Variants in SPON1 observed in about 807,000 individuals in gnomAD.
SPON1 encodes spondin-1.
A neutral mutation model predicts 111.7 loss-of-function variants in SPON1; 52 were observed. The observed-to-expected ratio is 0.47, with a 90% CI of 0.37 to 0.59. The LOEUF is 0.59. Among genes scored for constraint, SPON1 ranks in the 20% least tolerant of loss-of-function variants. The pLI, the probability that SPON1 is intolerant of heterozygous loss-of-function variation, is 0.00. For missense variants in SPON1, 957 were observed against 1,068.5 expected, an observed-to-expected ratio of 0.90 and a Z score of 1.46; for synonymous variants, 410 against 395.8, an observed-to-expected ratio of 1.04 and a Z score of -0.43.
intron 2 of SPON1, among the ~76,000 whole-genome samples, chr11:14,005,442 A>T (rs1848351949): frequency 6.6e-6 from 1 of 152,168 alleles, no homozygotes; most frequent in African/African-American, 2.4e-5. Context: ...AATTAGACTC[A>T]TCCGTTCCAT....
In SPON1 at chr11:14,135,065, T is replaced by C. The variant is rs561036761; in HGVS notation, c.677-355T>C. ...AGCAGGGTCAAGCCTGGTTAGCACT[T>C]GGATGGGAGTCTGCCAGAACAGTCC... On this transcript the variant is annotated intron_variant, in intron 5 of 15. Coordinates refer to ENST00000576479, the MANE Select transcript of SPON1 (RefSeq NM_006108.4). The surrounding 1 kb of genome is among the most constrained non-coding windows in gnomAD (Gnocchi z 4.4). The C allele has an allele frequency of 1.1e-4, 19 of 169,622 alleles. No individual in the cohort carries two copies. The South Asian group carries it at 3.5e-3, about 31-fold the overall frequency. 10.5% of individuals were successfully genotyped at this position (169,622 alleles called of 1,614,324 possible). A position where few individuals can be genotyped will look rare whatever the true frequency, so the allele number is the denominator to read the frequency against.
At chr11:14,005,994 A>G (rs1554913071) in intron 2 of SPON1, among the ~76,000 whole-genome samples, 1 of 152,208 alleles carries the variant, frequency 6.6e-6, no homozygotes, top group Non-Finnish European at 1.5e-5. Flanking sequence ...ATCAATTAAC[A>G]TGATGTCTAA....
In SPON1 at chr11:14,266,567, T is replaced by C. The variant is rs530527549; in HGVS notation, c.*880T>C. The C allele has an allele frequency of 3.3e-5, 5 of 152,206 alleles. No individual in the cohort carries two copies. The East Asian group carries it at 9.7e-4, about 29-fold the overall frequency. 9.4% of individuals were successfully genotyped at this position (152,206 alleles called of 1,614,324 possible). A position where few individuals can be genotyped will look rare whatever the true frequency, so the allele number is the denominator to read the frequency against. ...ATTTGCCTAAATTTTAAAATCTTCC[T>C]ACACACATCTAGACGTTCAAGTTTG... On this transcript the variant is annotated 3_prime_UTR_variant, in exon 16 of 16. Transcript: ENST00000576479.
intron 3 of SPON1, among the ~76,000 whole-genome samples, chr11:14,043,098 G>A (rs369651436): frequency 2.0e-5 from 3 of 152,184 alleles, no homozygotes; most frequent in Non-Finnish European, 2.9e-5. Context: ...GTTAAAATGT[G>A]GGAGATGGCC....
At chr11:14,131,337 G>A (rs1163542031) in intron 5 of SPON1, among the ~76,000 whole-genome samples, 1 of 152,168 alleles carries the variant, frequency 6.6e-6, no homozygotes, top group African/African-American at 2.4e-5. Context: ...TGTAACATGA[G>A]GATAAGGTTA....
At chr11:14,214,059 C>A (rs1046264711) in intron 6 of SPON1, among the ~76,000 whole-genome samples, 7 of 152,220 alleles carry the variant, frequency 4.6e-5, no homozygotes, top group African/African-American at 1.7e-4. Context: ...TGCTTACTCC[C>A]AAACATGCCT....
intron 7 of SPON1, among the ~76,000 whole-genome samples, chr11:14,251,708 A>G (rs577898852): frequency 1.1e-4 from 17 of 152,352 alleles, no homozygotes; most frequent in Non-Finnish European, 2.5e-4. Context: ...GGACCACCCC[A>G]GAGGACAGCT....
chr11:14,261,880 A>G (rs1849187969), intron 14 of SPON1, among the ~76,000 whole-genome samples: 1 of 152,192 alleles, frequency 6.6e-6, no homozygotes. Flanking sequence ...CATTTTGCAG[A>G]TAAGAAAGCT....
intron 15 of SPON1, among the ~76,000 whole-genome samples, chr11:14,265,077 GCTA>G (rs781886251): frequency 2.0e-5 from 3 of 152,146 alleles, no homozygotes; most frequent in East Asian, 1.9e-4. Flanking sequence ...CATTCATGTG[GCTA>G]CTACTAGCTG....
chr11:14,120,929 A>G (rs186704903), intron 5 of SPON1, among the ~76,000 whole-genome samples: 1 of 152,334 alleles, frequency 6.6e-6, no homozygotes, highest in Admixed American at 6.5e-5. Context: ...CAGCAAGTAT[A>G]TGGTGAAAAC....
At chr11:14,263,053 TAAAAAAAA>T (rs34480564) in intron 15 of SPON1, 78 bp downstream of exon 15, 53 of 952,560 alleles carry the variant, frequency 5.6e-5, no homozygotes, top group South Asian at 4.6e-4. Flanking sequence ...TGGACCTGTT[TAAAAAAAA>T]AAAAAAAAAA....
intron 6 of SPON1, among the ~76,000 whole-genome samples, chr11:14,174,466 A>G (rs1387236309): frequency 5.3e-5 from 8 of 152,200 alleles, no homozygotes; most frequent in African/African-American, 1.4e-4. Flanking sequence ...AACACAATGC[A>G]AAACAGAACA....
chr11:14,050,216 C>A (rs1554918325), intron 3 of SPON1, among the ~76,000 whole-genome samples: 1 of 152,238 alleles, frequency 6.6e-6, no homozygotes, highest in Non-Finnish European at 1.5e-5. Context: ...ATATTTCTAG[C>A]CACCTTTACA....
At chr11:14,189,451 C>T (rs1554934351) in intron 6 of SPON1, among the ~76,000 whole-genome samples, 1 of 152,164 alleles carries the variant, frequency 6.6e-6, no homozygotes, top group African/African-American at 2.4e-5. Flanking sequence ...TTAAGCTTCC[C>T]ACCCAGCTGC....
chr11:14,071,401 G>GC (rs1848874858), intron 3 of SPON1, among the ~76,000 whole-genome samples: 1 of 152,024 alleles, frequency 6.6e-6, no homozygotes, highest in Non-Finnish European at 1.5e-5. Flanking sequence ...GGTGACATCA[G>GC]CCACTCCAAA....
chr11:14,049,168 T>C (rs539646352), intron 3 of SPON1, among the ~76,000 whole-genome samples: 1 of 152,326 alleles, frequency 6.6e-6, no homozygotes, highest in African/African-American at 2.4e-5. Flanking sequence ...CCCAAGTCTG[T>C]GATCTTCATA....
chr11:14,078,076 G>A (rs1176114050), intron 4 of SPON1, among the ~76,000 whole-genome samples: 3 of 152,042 alleles, frequency 2.0e-5, no homozygotes, highest in South Asian at 2.1e-4. Flanking sequence ...AGGAGTAAGT[G>A]GACGATTCTT....
intron 6 of SPON1, among the ~76,000 whole-genome samples, chr11:14,153,321 T>G (rs1168828328): frequency 6.6e-5 from 10 of 152,164 alleles, no homozygotes; most frequent in African/African-American, 1.9e-4. Context: ...AAAATAGGTT[T>G]AATTGGCTCA....
chr11:14,164,538 C>T lies in SPON1; in HGVS notation c.825+28970C>T, dbSNP rs138355219. ...TTTTTACATAAGACAAAAATAAACC[C>T]GTTCTAAGCTACGATATTTGAGGTT... On this transcript the variant is annotated intron_variant, in intron 6 of 15. Transcript: ENST00000576479. Among the ~76,000 whole-genome samples the T allele has an allele frequency of 2.4e-3, 370 of 152,216 alleles. 1 individual carries two copies. Among genetic ancestry groups the T allele is most frequent in the African/African-American group, 8.1e-3 (336 of 41,520 alleles).
Sources: gnomAD v4.1 joint callset for allele counts (sites outside exome capture counted in the v4.1 genomes callset) on GRCh38, gnomAD v4.1.1 for gene constraint, Gnocchi (gnomAD v3.1) non-coding constraint, MANE v1.5 for transcripts, NCBI Gene and HGNC (gene_info 2026-07-23, HGNC 2026-07-21) for gene names.